Variants in INTS10 observed in about 807,000 individuals in gnomAD.
INTS10 encodes the protein chromosome 8 open reading frame 35.
In INTS10, 44 loss-of-function variants were observed where a neutral mutation model predicts 94.4. The observed-to-expected ratio is 0.47, with a 90% CI of 0.37 to 0.60. The LOEUF is 0.60. INTS10 is among the 20% of genes least tolerant of loss of function. INTS10 has a pLI of 0.00. For synonymous variants in INTS10, 341 were observed against 320.7 expected (o/e 1.06, Z -0.68); for missense variants, 797 against 868.7 (o/e 0.92, Z 1.04).
intron 1 of INTS10, among the ~76,000 whole-genome samples, chr8:19,817,912 G>A (rs1275676403): frequency 2.0e-5 from 3 of 151,376 alleles, no homozygotes; most frequent in African/African-American, 7.3e-5. Context: ...GGCCGATCCC[G>A]CTTGAGGTCG....
intron 3 of INTS10, among the ~76,000 whole-genome samples, chr8:19,820,065 T>C (rs2066248673): frequency 6.6e-6 from 1 of 152,224 alleles, no homozygotes; most frequent in Non-Finnish European, 1.5e-5. Flanking sequence ...AGCAAGTAGA[T>C]GCATAGGTCA....
At chr8:19,840,189 CA>C (rs1195364826) in intron 13 of INTS10, among the ~76,000 whole-genome samples, 2 of 148,374 alleles carry the variant, frequency 1.3e-5, no homozygotes, top group East Asian at 2.0e-4. Context: ...CTAATAGCAT[CA>C]AAAAAACATA....
chr8:19,822,881 C>T (rs933182102), intron 5 of INTS10, among the ~76,000 whole-genome samples: 5 of 150,488 alleles, frequency 3.3e-5, no homozygotes, highest in Non-Finnish European at 1.5e-5. Context: ...AACTGGGAGG[C>T]GGAGGTTGCA....
At chr8:19,845,923 A>T (rs1018977927) in intron 16 of INTS10, 126 bp downstream of exon 16, 1 of 555,724 alleles carries the variant, frequency 1.8e-6, no homozygotes, top group Non-Finnish European at 3.2e-6. Flanking sequence ...GGTCTCTGTT[A>T]TGATAGTTTG....
intron 1 of INTS10, 91 bp downstream of exon 1, chr8:19,817,757 G>T: frequency 6.7e-7 from 1 of 1,485,048 alleles, no homozygotes; most frequent in East Asian, 2.5e-5. Flanking sequence ...CGCCTGCCTG[G>T]GGGCTGCCGC....
Position 19,822,457 on chromosome 8 carries a change from C to A in INTS10, c.460C>A (p.Leu154Ile). ...VQHGVGLGEA[L>I]LEAETIEEQE... is the part of the protein sequence containing the mutation. ...GAAATAGGTTGGCCTTGGGGAGGCA[C>A]TATTAGAGGCTGAAACTATTGAAGA... The change falls in exon 5 of 17, where the codon CTA (leucine) becomes ATA (isoleucine). Residue 154 changes from leucine to isoleucine, a missense_variant. By Grantham distance (5) the Leu-to-Ile change is conservative (BLOSUM62 2). Coordinates refer to ENST00000397977, the MANE Select transcript of INTS10 (RefSeq NM_018142.4). 1 of 1,610,570 alleles carries A rather than the reference C, an allele frequency of 6.2e-7. No individual in the cohort carries two copies. The highest frequency in any genetic ancestry group is 1.1e-5 in the South Asian group (1 of 90,996).
At chr8:19,818,986 A>C (rs2066157671) in intron 2 of INTS10, 1 of 152,448 alleles carries the variant, frequency 6.6e-6, no homozygotes, top group Non-Finnish European at 1.5e-5. Context: ...ATAGATTCTA[A>C]GACATTTTCA....
Position 19,817,486 on chromosome 8 carries a change from A to T in INTS10, c.-52A>T, listed in dbSNP as rs937224934. 4.4e-6 allele frequency: 7 copies of T among 1,578,312 alleles called. No homozygotes were observed. The African/African-American group carries it at 6.7e-5, about 15-fold the overall frequency. ...TGGCTGCCGTGGCGGCTGAGAGTCC[A>T]GAGCCGGACGTTCCGGCCGCTTCGG... On this transcript the variant is annotated 5_prime_UTR_variant, in exon 1 of 17. Coordinates refer to ENST00000397977, the MANE Select transcript of INTS10 (RefSeq NM_018142.4).
chr8:19,826,588 G>A, intron 9 of INTS10, 29 bp downstream of exon 9: 1 of 1,592,014 alleles, frequency 6.3e-7, no homozygotes, highest in Non-Finnish European at 8.5e-7. Flanking sequence ...CTTATTAACA[G>A]ATTGGATGGG....
intron 15 of INTS10, among the ~76,000 whole-genome samples, chr8:19,844,631 C>T (rs1448217480): frequency 3.3e-5 from 5 of 152,266 alleles, no homozygotes; most frequent in Non-Finnish European, 7.4e-5. Flanking sequence ...AGTGGCTGTG[C>T]CCTGCAATCA....
Position 19,845,738 on chromosome 8 carries a change from A to T in INTS10, c.1917A>T (p.Arg639Ser). The T allele has an allele frequency of 6.2e-7, 1 of 1,613,918 alleles. No homozygotes were observed. The highest frequency in any genetic ancestry group is 8.5e-7 in the Non-Finnish European group (1 of 1,179,798). The change falls in exon 16 of 17, where the codon AGA becomes AGT. Residue 639 changes from arginine (R) to serine (S), a missense_variant. Arg to Ser is a moderately radical substitution (Grantham distance 110, BLOSUM62 -1). Coordinates refer to ENST00000397977, the MANE Select transcript of INTS10 (RefSeq NM_018142.4). Reference sequence around the variant, plus strand: ...TGCTGGAGGAATTTGCCTACTTGAGAACTCAGGAAGGTGGGAAAATTCATC... The same window carrying T: ...TGCTGGAGGAATTTGCCTACTTGAGTACTCAGGAAGGTGGGAAAATTCATC... Reference protein sequence around the residue: ...IDMLEEFAYLRTQEGGKIHLE... With the variant: ...IDMLEEFAYLSTQEGGKIHLE...
intron 8 of INTS10, 118 bp downstream of exon 8, chr8:19,825,090 C>T: frequency 1.3e-6 from 1 of 796,260 alleles, no homozygotes; most frequent in South Asian, 1.6e-5. Context: ...CAGTACCAGT[C>T]CTTTTTATAG....
At chr8:19,845,533 C>A in intron 15 of INTS10, 171 bp from the exon 16 acceptor site, 1 of 606,136 alleles carries the variant, frequency 1.6e-6, no homozygotes, top group East Asian at 2.8e-5. Flanking sequence ...AGTGGGGTAG[C>A]AATGGGCAAG....
At chr8:19,828,316 T>G (rs536010058) in intron 9 of INTS10, among the ~76,000 whole-genome samples, 34 of 118,584 alleles carry the variant, frequency 2.9e-4, no homozygotes, top group Non-Finnish European at 5.1e-4. Context: ...CCCCTGGTGG[T>G]AACCCACAAC....
chr8:19,817,730 G>C (rs1453381397), intron 1 of INTS10, 64 bp downstream of exon 1: 1 of 1,547,750 alleles, frequency 6.5e-7, no homozygotes, highest in African/African-American at 1.4e-5. Context: ...CGCCCGGGCT[G>C]CCCTGGCCCA....
At chr8:19,828,111 T>A (rs2066943596) in intron 9 of INTS10, among the ~76,000 whole-genome samples, 1 of 151,694 alleles carries the variant, frequency 6.6e-6, no homozygotes, top group African/African-American at 2.4e-5. Flanking sequence ...CTTCAGAGGC[T>A]GAGATGAGAA....
intron 12 of INTS10, among the ~76,000 whole-genome samples, chr8:19,836,225 G>GAA (rs35537213): frequency 2.0e-4 from 29 of 147,552 alleles, no homozygotes; most frequent in East Asian, 4.0e-4. Flanking sequence ...CATAAAAGAA[G>GAA]AAAAAAAAAA....
intron 12 of INTS10, among the ~76,000 whole-genome samples, chr8:19,833,996 G>C (rs1417737494): frequency 1.4e-5 from 2 of 138,878 alleles, no homozygotes; most frequent in African/African-American, 5.4e-5. Context: ...GACAGAGCCA[G>C]ACTCTGTCTC....
chr8:19,821,326 C>T (rs1349120802), intron 4 of INTS10: 2 of 152,234 alleles, frequency 1.3e-5, no homozygotes, highest in African/African-American at 4.8e-5. Context: ...TTACCTCTCC[C>T]TGGCTTCTGA....
Sources: gnomAD v4.1 joint callset for allele counts (sites outside exome capture counted in the v4.1 genomes callset) on GRCh38, gnomAD v4.1.1 for gene constraint, MANE v1.5 for transcripts, NCBI Gene and HGNC (gene_info 2026-07-23, HGNC 2026-07-21) for gene names.